Variants in SIPA1L3 observed in about 807,000 individuals in gnomAD.
SIPA1L3 encodes signal-induced proliferation-associated 1-like protein 3.
A neutral mutation model predicts 150.1 loss-of-function variants in SIPA1L3; 59 were observed. The observed-to-expected ratio is 0.39, with a 90% CI of 0.32 to 0.49. The LOEUF (loss-of-function observed/expected upper bound fraction) is 0.49. SIPA1L3 is among the 20% of genes least tolerant of loss of function. The pLI is 0.86. For missense variants in SIPA1L3, 2,211 were observed against 2,489.5 expected (o/e 0.89, Z 2.38); for synonymous variants, 1,070 against 1,077.6 (o/e 0.99, Z 0.14).
intron 1 of SIPA1L3, among the ~76,000 whole-genome samples, chr19:37,962,963 C>CTCTTT (rs142356651): frequency 0.31 from 44,354 of 142,488 alleles, 6,894 homozygotes; most frequent in Non-Finnish European, 0.37. Flanking sequence ...GTGGTATAGA[C>CTCTTT]TCTTTTCTCT....
chr19:38,110,347 C>G lies in SIPA1L3; in HGVS notation c.2254C>G (p.Arg752Gly), dbSNP rs770281578. The change falls in exon 8 of 22, where the codon CGA becomes GGA. Residue 752 changes from arginine to glycine, a missense_variant. By Grantham distance (125) the Arg-to-Gly change is moderately radical. Around this residue, in one of 5 missense-constraint regions of SIPA1L3, gnomAD observed 625 missense variants for 804.2 expected, o/e 0.78. Transcript: ENST00000222345. ...CTTCCAGCACGTCTTCATCATTGTC[C>G]GAGTCCACAACCCCTGCACTGATAA... ...SHFQHVFIIV[R>G]VHNPCTDNVC... The G allele has an allele frequency of 6.2e-7, 1 of 1,613,996 alleles. No homozygotes were observed. Among genetic ancestry groups the G allele is most frequent in the African/African-American group, 1.3e-5 (1 of 74,908 alleles).
chr19:37,964,029 T>C (rs1209942596), intron 1 of SIPA1L3: 3 of 152,222 alleles, frequency 2.0e-5, no homozygotes, highest in Admixed American at 1.3e-4. Context: ...ATTTTGTTTA[T>C]ATTCTGACTT....
At chr19:37,980,299 C>G (rs1967171324) in intron 1 of SIPA1L3, among the ~76,000 whole-genome samples, 2 of 152,120 alleles carry the variant, frequency 1.3e-5, no homozygotes, top group Non-Finnish European at 2.9e-5. Flanking sequence ...ATCATTATAT[C>G]AATACAAGCA....
intron 1 of SIPA1L3, among the ~76,000 whole-genome samples, chr19:37,943,862 C>CT (rs2046684663): frequency 6.6e-6 from 1 of 152,072 alleles, no homozygotes; most frequent in African/African-American, 2.4e-5. Flanking sequence ...CCTCTGCTTG[C>CT]GTTTAGGCCT....
intron 2 of SIPA1L3, among the ~76,000 whole-genome samples, chr19:38,038,305 T>C (rs905057634): frequency 6.6e-6 from 1 of 152,056 alleles, no homozygotes; most frequent in Admixed American, 6.6e-5. Flanking sequence ...GTAAAAGTCA[T>C]GTGCAGGCCA....
At chr19:38,135,746 G>A (rs1043774241) in intron 10 of SIPA1L3, among the ~76,000 whole-genome samples, 1 of 152,146 alleles carries the variant, frequency 6.6e-6, no homozygotes, top group African/African-American at 2.4e-5. Flanking sequence ...TTGCAGGGGT[G>A]GGCGTGGGTC....
At chr19:38,006,030 G>T (rs748468441) in intron 1 of SIPA1L3, among the ~76,000 whole-genome samples, 9 of 152,166 alleles carry the variant, frequency 5.9e-5, no homozygotes, top group Admixed American at 2.0e-4. Flanking sequence ...AGAGTGAGAC[G>T]CTGTCTCAAA....
chr19:37,994,557 C>T (rs1169092055), intron 1 of SIPA1L3, among the ~76,000 whole-genome samples: 1 of 152,156 alleles, frequency 6.6e-6, no homozygotes, highest in Non-Finnish European at 1.5e-5. Flanking sequence ...GTGGAGCAGC[C>T]GCCCTGGCTG....
In SIPA1L3 at chr19:38,071,976, A is replaced by AG. The variant is rs982782848; in HGVS notation, c.-310-9274dup. 5.9e-5 allele frequency among the ~76,000 whole-genome samples: 9 copies of AG among 152,316 alleles called. No individual in the cohort carries two copies. The East Asian group carries it at 1.7e-3, about 29-fold the overall frequency. ...GGTGATGTCAAGTAATCAGGTGGGT[A>AG]GGGGGGTTTGGAACTCAGAAGAGCA... is the stretch of plus-strand genomic sequence containing the variant. On this transcript the variant is annotated intron_variant, in intron 2 of 21. Transcript: ENST00000222345.
intron 2 of SIPA1L3, among the ~76,000 whole-genome samples, chr19:38,079,307 T>C (rs1325462541): frequency 6.6e-6 from 1 of 152,198 alleles, no homozygotes; most frequent in Admixed American, 6.5e-5. Flanking sequence ...TACTCCAGCC[T>C]GGGCAACAGA....
chr19:37,987,215 A>C (rs8108765), intron 1 of SIPA1L3, among the ~76,000 whole-genome samples: 44,860 of 152,014 alleles, frequency 0.3, 7,550 homozygotes, highest in East Asian at 0.71. Flanking sequence ...GATGTGAGCC[A>C]CCGCGCCCGG....
intron 2 of SIPA1L3, among the ~76,000 whole-genome samples, chr19:38,062,004 G>A (rs1408964405): frequency 6.6e-6 from 1 of 151,580 alleles, no homozygotes; most frequent in Non-Finnish European, 1.5e-5. Flanking sequence ...TTGGATTGCT[G>A]CTCCCCACCC....
At chr19:38,127,176 G>A (rs2145912069) in intron 9 of SIPA1L3, among the ~76,000 whole-genome samples, 1 of 152,058 alleles carries the variant, frequency 6.6e-6, no homozygotes, top group South Asian at 2.1e-4. Context: ...TGGGCAACAA[G>A]AGCGAAACTC....
intron 1 of SIPA1L3, among the ~76,000 whole-genome samples, chr19:37,946,999 G>A (rs1480243626): frequency 6.6e-6 from 1 of 151,940 alleles, no homozygotes; most frequent in Non-Finnish European, 1.5e-5. Context: ...TTTGACACCA[G>A]CCTTGGCAAC....
rs535398475 is a variant in SIPA1L3, at chr19:38,055,285, TG to T, written c.-310-25970del. On this transcript the variant is annotated intron_variant, in intron 2 of 21. Coordinates refer to ENST00000222345, the MANE Select transcript of SIPA1L3 (RefSeq NM_015073.3). ...GGAGGGCAGCTGGGGGCGGCGCCACTGTTGGGGGGTGCAGGGACAGGGAGCA... is the reference window on the plus strand; with the variant it reads ...GGAGGGCAGCTGGGGGCGGCGCCACTTTGGGGGGTGCAGGGACAGGGAGCA... 3.9e-4 allele frequency among the ~76,000 whole-genome samples: 59 copies of T among 152,272 alleles called. No homozygotes were observed. In the East Asian group the frequency reaches 0.011, roughly 28 times the overall value.
intron 1 of SIPA1L3, among the ~76,000 whole-genome samples, chr19:37,941,945 G>C (rs948041230): frequency 1.3e-5 from 2 of 152,214 alleles, no homozygotes; most frequent in Non-Finnish European, 2.9e-5. Flanking sequence ...CTTGAGAGCA[G>C]TAGCACGCTT....
intron 1 of SIPA1L3, among the ~76,000 whole-genome samples, chr19:37,977,594 C>A (rs1458631072): frequency 1.3e-5 from 2 of 152,066 alleles, no homozygotes; most frequent in African/African-American, 4.8e-5. Context: ...CCCCCCCCCA[C>A]AGAAGTAGGA....
At chr19:37,985,562 T>C (rs1162132912) in intron 1 of SIPA1L3, among the ~76,000 whole-genome samples, 1 of 151,740 alleles carries the variant, frequency 6.6e-6, no homozygotes, top group Admixed American at 6.6e-5. Flanking sequence ...GTGGGAGGGG[T>C]GTCTTAGAGG....
At chr19:38,018,028 G>A (rs10419708) in intron 1 of SIPA1L3, among the ~76,000 whole-genome samples, 4,790 of 151,582 alleles carry the variant, frequency 0.032, 218 homozygotes, top group African/African-American at 0.11. Flanking sequence ...AGCCACATGG[G>A]CTCCCTGCGT....
Sources: allele counts gnomAD v4.1 joint callset (sites outside exome capture counted in the v4.1 genomes callset), GRCh38; gene constraint gnomAD v4.1.1; regional missense constraint gnomAD v4.1.1; transcripts MANE v1.5; gene names NCBI Gene and HGNC (gene_info 2026-07-23, HGNC 2026-07-21).